The following CCNJL variants were observed in gnomAD, a reference collection of about 807,000 sequenced individuals.
The protein encoded by CCNJL is cyclin-J-like protein.
In CCNJL, 33 loss-of-function variants were observed where a neutral mutation model predicts 33.4. That is an observed-to-expected ratio of 0.99 (90% confidence interval 0.75 to 1.32). The LOEUF (loss-of-function observed/expected upper bound fraction) is 1.32. Among genes scored for constraint, CCNJL ranks in the 40% most tolerant of loss-of-function variants. The pLI is 0.00. For synonymous variants in CCNJL, 227 were observed against 220.9 expected (o/e 1.03, Z -0.24); for missense variants, 512 against 499.7 (o/e 1.02, Z -0.23).
upstream of CCNJL, among the ~76,000 whole-genome samples, chr5:160,316,250 C>G (rs985807118): frequency 6.6e-6 from 1 of 152,160 alleles, no homozygotes; most frequent in African/African-American, 2.4e-5. Flanking sequence ...CCACCCCCAA[C>G]CAAGACAAGA....
At chr5:160,337,323 G>A (rs192230244) in intron 1 of CCNJL, among the ~76,000 whole-genome samples, 1,873 of 151,966 alleles carry the variant, frequency 0.012, 30 homozygotes, top group Admixed American at 0.038. Flanking sequence ...CTTGGCTGCT[G>A]GGATTATTAA....
intron 1 of CCNJL, among the ~76,000 whole-genome samples, chr5:160,320,789 CTTTCTTTCTTTCTTTCTT>C (rs1248558296): frequency 4.4e-4 from 16 of 36,002 alleles, no homozygotes; most frequent in African/African-American, 8.8e-4. Flanking sequence ...TCTTTCTTTC[CTTTCTTTCTTTCTTTCTT>C]TCTTTCTTTC....
At position 160,249,399 on chromosome 5, in the gene CCNJL, A is replaced by C. The variant is rs1760747908; in HGVS notation, c.*3979T>G. ...TCATCAGCATCTCATATTTACTGGCAAATACAGGTAATTTCTGTGTACTTT... is the reference window on the plus strand; with the variant it reads ...TCATCAGCATCTCATATTTACTGGCCAATACAGGTAATTTCTGTGTACTTT... On this transcript the variant is annotated 3_prime_UTR_variant, in exon 6 of 6. Transcript: ENST00000257536. The C allele has an allele frequency of 6.6e-6, 1 of 152,242 alleles. No homozygotes were observed. Among genetic ancestry groups the C allele is most frequent in the South Asian group, 2.1e-4 (1 of 4,830 alleles). 9.4% of individuals were successfully genotyped at this position (152,242 alleles called of 1,614,324 possible).
chr5:160,322,541 C>T (rs562351153), intron 1 of CCNJL, among the ~76,000 whole-genome samples: 5 of 152,208 alleles, frequency 3.3e-5, no homozygotes, highest in Non-Finnish European at 1.5e-5. Context: ...TAATTGTATG[C>T]ATACATAGTT....
intron 3 of CCNJL, among the ~76,000 whole-genome samples, chr5:160,262,700 C>T (rs1761397136): frequency 6.6e-6 from 1 of 152,210 alleles, no homozygotes; most frequent in African/African-American, 2.4e-5. Flanking sequence ...TGGGAGAACT[C>T]AGCTTCTACA....
At chr5:160,317,418 A>G (rs183124608), upstream of CCNJL, among the ~76,000 whole-genome samples, 53 of 152,360 alleles carry the variant, frequency 3.5e-4, no homozygotes, top group Non-Finnish European at 7.1e-4. Flanking sequence ...AGAAAATTTT[A>G]TCGTTGAACC....
chr5:160,320,793 CTTTCTTT>C (rs1763432616), intron 1 of CCNJL, among the ~76,000 whole-genome samples: 1 of 32,814 alleles, frequency 3.0e-5, no homozygotes, highest in Admixed American at 3.4e-4. Flanking sequence ...TCTTTCCTTT[CTTTCTTT>C]CTTTCTTTCT....
At chr5:160,283,640 T>A (rs1007950257) in intron 2 of CCNJL, among the ~76,000 whole-genome samples, 3 of 152,144 alleles carry the variant, frequency 2.0e-5, no homozygotes, top group African/African-American at 7.2e-5. Flanking sequence ...CTAATCACAC[T>A]CTTAGTTATT....
chr5:160,259,896 T>G, intron 3 of CCNJL, 125 bp from the exon 4 acceptor site: 1 of 757,300 alleles, frequency 1.3e-6, no homozygotes, highest in Non-Finnish European at 2.2e-6. Context: ...CAGGCCAGAC[T>G]GCGGAGGAAT....
chr5:160,307,065 C>T (rs534741858), intron 2 of CCNJL, among the ~76,000 whole-genome samples: 10 of 152,202 alleles, frequency 6.6e-5, no homozygotes, highest in East Asian at 1.9e-4. Flanking sequence ...TGGCAGATGC[C>T]GAAGACGAGA....
chr5:160,324,250 G>T (rs1402442041), intron 1 of CCNJL, among the ~76,000 whole-genome samples: 1 of 152,170 alleles, frequency 6.6e-6, no homozygotes, highest in Non-Finnish European at 1.5e-5. Context: ...TTAAAAAGTG[G>T]ATTCTCACTA....
chr5:160,325,210 C>T (rs1039826184), intron 1 of CCNJL, among the ~76,000 whole-genome samples: 3 of 152,142 alleles, frequency 2.0e-5, no homozygotes, highest in African/African-American at 7.2e-5. Context: ...ACAGTTACTG[C>T]CTAGTACAGC....
At chr5:160,295,522 C>G (rs1040784091) in intron 2 of CCNJL, among the ~76,000 whole-genome samples, 1 of 152,032 alleles carries the variant, frequency 6.6e-6, no homozygotes, top group Non-Finnish European at 1.5e-5. Flanking sequence ...AGAGTCTTTA[C>G]AGATGCAATC....
intron 1 of CCNJL, chr5:160,326,722 G>A: frequency 2.2e-6 from 2 of 921,434 alleles, no homozygotes; most frequent in South Asian, 2.6e-5. Context: ...GCCAGAAAGT[G>A]CAGAAGGTTA....
intron 1 of CCNJL, among the ~76,000 whole-genome samples, chr5:160,329,935 C>G (rs537079104): frequency 1.3e-5 from 2 of 152,110 alleles, no homozygotes; most frequent in Non-Finnish European, 2.9e-5. Context: ...ATGGAGAGAC[C>G]ACCACCCTCT....
intron 3 of CCNJL, 72 bp downstream of exon 3, chr5:160,280,453 T>C (rs1762167442): frequency 9.9e-6 from 12 of 1,217,154 alleles, no homozygotes; most frequent in African/African-American, 1.5e-5. Flanking sequence ...GTAAAGTGAT[T>C]TGGAAGCAGC....
At chr5:160,269,425 G>C in intron 3 of CCNJL, 1 of 456,486 alleles carries the variant, frequency 2.2e-6, no homozygotes, top group Non-Finnish European at 4.4e-6. Flanking sequence ...AGAAGGTTTC[G>C]GTGTCACTGC....
chr5:160,282,982 T>TATATATATATATATATAC (rs1762275310), intron 2 of CCNJL, among the ~76,000 whole-genome samples: 2 of 69,578 alleles, frequency 2.9e-5, no homozygotes, highest in African/African-American at 6.4e-5. Context: ...TATATATATA[T>TATATATATATATATATAC]ATATATATAT....
At chr5:160,290,399 G>A (rs2113387103) in intron 2 of CCNJL, among the ~76,000 whole-genome samples, 1 of 151,942 alleles carries the variant, frequency 6.6e-6, no homozygotes, top group South Asian at 2.1e-4. Context: ...CCGAGTAGCT[G>A]GAATTACAGG....
Sources: allele counts gnomAD v4.1 joint callset (sites outside exome capture counted in the v4.1 genomes callset), GRCh38; gene constraint gnomAD v4.1.1; transcripts MANE v1.5; gene names NCBI Gene and HGNC (gene_info 2026-07-23, HGNC 2026-07-21).